Variants in OR51B5 observed in about 807,000 individuals in gnomAD.
OR51B5 encodes the protein olfactory receptor family 51 subfamily B member 5.
For missense variants in OR51B5, 456 were observed against 374.6 expected (o/e 1.22, Z -1.79); for synonymous variants, 186 against 144.8 (o/e 1.28, Z -2.04).
intron 1 of OR51B5, among the ~76,000 whole-genome samples, chr11:5,448,089 G>A (rs1317559099): frequency 6.6e-6 from 1 of 152,164 alleles, no homozygotes; most frequent in African/African-American, 2.4e-5. Context: ...AGGCTTAGAA[G>A]CTATGTCCTC....
At chr11:5,484,116 CAT>C (rs1359249210) in intron 1 of OR51B5, among the ~76,000 whole-genome samples, 7 of 152,134 alleles carry the variant, frequency 4.6e-5, no homozygotes, top group African/African-American at 1.7e-4. Flanking sequence ...CCTGCAAACT[CAT>C]GTCTCTTGTG....
intron 1 of OR51B5, among the ~76,000 whole-genome samples, chr11:5,376,803 T>C (rs532569367): frequency 2.6e-5 from 4 of 151,210 alleles, no homozygotes; most frequent in South Asian, 2.1e-4. Flanking sequence ...GGATCTGAAA[T>C]TGTGGCAATA....
chr11:5,362,608 GGGCAAAATGGA>G, intron 1 of OR51B5: 1 of 149,120 alleles, frequency 6.7e-6, no homozygotes, highest in Non-Finnish European at 1.5e-5. Context: ...TAGCCTGCTG[GGGCAAAATGGA>G]GCTCAAGGCC....
At chr11:5,408,943 T>A (rs1850102648) in intron 1 of OR51B5, among the ~76,000 whole-genome samples, 2 of 151,988 alleles carry the variant, frequency 1.3e-5, no homozygotes, top group Non-Finnish European at 2.9e-5. Context: ...TGTAACACCC[T>A]CCTAATTCCA....
chr11:5,478,188 A>G (rs1173509819), intron 1 of OR51B5, among the ~76,000 whole-genome samples: 3 of 152,016 alleles, frequency 2.0e-5, no homozygotes, highest in Non-Finnish European at 4.4e-5. Flanking sequence ...TGCCTCCTCA[A>G]GTGGGTCCCT....
At chr11:5,342,539 A>T (rs370692449), downstream of OR51B5, 10 of 1,526,908 alleles carry the variant, frequency 6.5e-6, no homozygotes, top group African/African-American at 7.0e-5. Context: ...CTCCTGCTAA[A>T]TATTAGAGTT....
chr11:5,371,742 A>T (rs884222), intron 1 of OR51B5, among the ~76,000 whole-genome samples: 58,055 of 151,942 alleles, frequency 0.38, 11,338 homozygotes, highest in Non-Finnish European at 0.41. Context: ...CCTTCCATAG[A>T]TACCTTTTGC....
chr11:5,422,144 A>C, intron 1 of OR51B5: 1 of 1,283,414 alleles, frequency 7.8e-7, no homozygotes, highest in Non-Finnish European at 1.1e-6. Context: ...TATTATTTCT[A>C]ATGTTTCTTT....
intron 1 of OR51B5, chr11:5,454,658 G>C (rs1850924961): frequency 2.7e-6 from 1 of 376,180 alleles, no homozygotes; most frequent in South Asian, 7.4e-5. Flanking sequence ...TGAGTAATTA[G>C]ACAAGTTTTA....
chr11:5,377,077 C>A (rs1313305412), intron 1 of OR51B5, among the ~76,000 whole-genome samples: 1 of 152,090 alleles, frequency 6.6e-6, no homozygotes, highest in Non-Finnish European at 1.5e-5. Context: ...TACTGGCAAA[C>A]CGAATCCAGC....
intron 1 of OR51B5, among the ~76,000 whole-genome samples, chr11:5,504,145 G>GA (rs1256327271): frequency 2.0e-5 from 3 of 151,324 alleles, no homozygotes; most frequent in African/African-American, 4.9e-5. Flanking sequence ...AAAACATATA[G>GA]AAAAAAAATA....
intron 1 of OR51B5, among the ~76,000 whole-genome samples, chr11:5,374,034 G>C (rs1479847981): frequency 6.6e-6 from 1 of 152,146 alleles, no homozygotes; most frequent in African/African-American, 2.4e-5. Flanking sequence ...CTCCTCAAGT[G>C]GGTCCCTGAC....
chr11:5,439,033 A>T (rs947957985), intron 1 of OR51B5, among the ~76,000 whole-genome samples: 17 of 152,146 alleles, frequency 1.1e-4, no homozygotes, highest in African/African-American at 3.9e-4. Flanking sequence ...GTGAAGTTCC[A>T]TTGACAAATT....
chr11:5,397,882 T>C (rs577365589), intron 1 of OR51B5, among the ~76,000 whole-genome samples: 30 of 151,740 alleles, frequency 2.0e-4, no homozygotes, highest in Non-Finnish European at 3.5e-4. Context: ...TAAAAAATGA[T>C]GAGTTCATGT....
At position 5,401,912 on chromosome 11, in the gene OR51B5, TC is replaced by T. The variant is rs1849975829; in HGVS notation, n.85-55003del. Among the ~76,000 whole-genome samples the T allele has an allele frequency of 3.3e-5, 5 of 151,200 alleles. 1 individual carries two copies. In the South Asian group the frequency reaches 1.1e-3, roughly 32 times the overall value. Reference sequence around the variant, plus strand: ...TCTTCCTTCCTTCCTTTTCTTTCTCTCTCTCTCTTCTTTCCTTTTCTTTTAT... The same window carrying T: ...TCTTCCTTCCTTCCTTTTCTTTCTCTTCTCTCTTCTTTCCTTTTCTTTTAT... On this transcript the variant is annotated intron_variant and non_coding_transcript_variant, in intron 1 of 4. Transcript: ENST00000415970.
exon 1 of OR51B5, chr11:5,342,819 G>A (rs140543559): frequency 1.2e-6 from 2 of 1,613,490 alleles, no homozygotes; most frequent in Non-Finnish European, 8.5e-7. Context: ...CAGGTAATGA[G>A]AGCCTTGGCC....
downstream of OR51B5, among the ~76,000 whole-genome samples, chr11:5,341,651 A>C (rs960340425): frequency 4.6e-5 from 7 of 152,172 alleles, no homozygotes; most frequent in Admixed American, 3.9e-4. Context: ...CACTTATTAC[A>C]TGGAATCAGA....
chr11:5,472,516 A>G (rs914854923), intron 1 of OR51B5, among the ~76,000 whole-genome samples: 1 of 152,146 alleles, frequency 6.6e-6, no homozygotes, highest in South Asian at 2.1e-4. Context: ...TGAGCTCTAT[A>G]AAGCTGCGTC....
In OR51B5 at chr11:5,464,507, G is replaced by A. The variant is rs908945049; in HGVS notation, n.84+41062C>T. On this transcript the variant is annotated intron_variant and non_coding_transcript_variant, in intron 1 of 4. Transcript: ENST00000415970. ...TGTGTCCATGTGATCTCATTGTTCAGTTCCCACCTATGAGTGAGAATATGT... is the reference window on the plus strand; with the variant it reads ...TGTGTCCATGTGATCTCATTGTTCAATTCCCACCTATGAGTGAGAATATGT... 2.0e-4 allele frequency among the ~76,000 whole-genome samples: 27 copies of A among 138,302 alleles called. No homozygotes were observed. In the East Asian group the frequency reaches 2.2e-3, roughly 11 times the overall value. 90.7% of individuals were successfully genotyped at this position (138,302 alleles called of 152,430 possible). A position where few individuals can be genotyped will look rare whatever the true frequency, so the allele number is the denominator to read the frequency against.
Sources: allele counts gnomAD v4.1 joint callset (sites outside exome capture counted in the v4.1 genomes callset), GRCh38; gene constraint gnomAD v4.1.1; transcripts MANE v1.5; gene names NCBI Gene and HGNC (gene_info 2026-07-23, HGNC 2026-07-21).